FAM53B: variants seen among roughly 807,000 people sequenced by gnomAD.
FAM53B encodes the protein family with sequence similarity 53 member B.
Under a neutral mutation model 32.7 loss-of-function variants are expected in FAM53B, and 12 were observed. The ratio of observed to expected loss-of-function variants is 0.37; its 90% CI spans 0.24 to 0.59. FAM53B has a LOEUF of 0.59. Ranked by LOEUF, FAM53B falls within the 20% of genes least tolerant of loss-of-function variation. The pLI is 0.72. For synonymous variants in FAM53B, 234 were observed against 228.7 expected (o/e 1.02, Z -0.21); for missense variants, 477 against 577.7 (o/e 0.83, Z 1.79).
At chr10:124,720,236 A>G (rs1950061252) in intron 1 of FAM53B, among the ~76,000 whole-genome samples, 1 of 151,988 alleles carries the variant, frequency 6.6e-6, no homozygotes, top group African/African-American at 2.4e-5. Flanking sequence ...GGGAGGTGGC[A>G]TAGATATGTT....
rs529106337 is a variant in FAM53B at position 124,680,266 on chromosome 10, G to A, written c.906+1341C>T. Among the ~76,000 whole-genome samples, 5 of 152,260 alleles carry A rather than the reference G, an allele frequency of 3.3e-5. No homozygotes were observed. The East Asian group carries it at 7.7e-4, about 24-fold the overall frequency. ...CACCCCTTCAGGCTCTCCCCCAAGC[G>A]GATCCCACTGACACAGGGGAGGCAC... On this transcript the variant is annotated intron_variant, in intron 4 of 4. Transcript: ENST00000337318.
chr10:124,700,919 G>A (rs775214872), intron 2 of FAM53B, among the ~76,000 whole-genome samples: 3 of 152,220 alleles, frequency 2.0e-5, no homozygotes, highest in Admixed American at 6.5e-5. Context: ...CCGCGAGACC[G>A]TGGCAGTCGA....
At chr10:124,691,894 G>A (rs554272621) in intron 3 of FAM53B, among the ~76,000 whole-genome samples, 152 of 152,316 alleles carry the variant, frequency 1.0e-3, no homozygotes, top group Admixed American at 2.2e-3. Flanking sequence ...GCCCCTCTTT[G>A]TACCCACTAG....
intron 4 of FAM53B, among the ~76,000 whole-genome samples, chr10:124,639,681 C>A (rs541103818): frequency 8.9e-4 from 136 of 152,312 alleles, no homozygotes; most frequent in South Asian, 2.9e-3. Context: ...CTTTTCCCCC[C>A]CTTTCTATAT....
At chr10:124,742,340 T>A (rs1285823308) in intron 1 of FAM53B, 1 of 152,082 alleles carries the variant, frequency 6.6e-6, no homozygotes, top group African/African-American at 2.4e-5. Flanking sequence ...CAATTCAATA[T>A]CAAAACTGTA....
intron 4 of FAM53B, among the ~76,000 whole-genome samples, chr10:124,663,801 A>G (rs1326069829): frequency 6.6e-6 from 1 of 151,948 alleles, no homozygotes; most frequent in Admixed American, 6.5e-5. Flanking sequence ...GCCTACCAGC[A>G]GCCTATATTC....
intron 4 of FAM53B, among the ~76,000 whole-genome samples, chr10:124,659,190 T>C (rs565910683): frequency 2.0e-5 from 3 of 152,308 alleles, no homozygotes; most frequent in African/African-American, 7.2e-5. Context: ...GAAGCTAAAC[T>C]ACCCTTTGGA....
chr10:124,709,635 C>G (rs191407211), intron 1 of FAM53B, among the ~76,000 whole-genome samples: 107 of 152,260 alleles, frequency 7.0e-4, no homozygotes, highest in Middle Eastern at 3.4e-3. Flanking sequence ...TGGGGACAAC[C>G]TAGCTGCCTA....
intron 4 of FAM53B, among the ~76,000 whole-genome samples, chr10:124,680,028 A>G (rs148059590): frequency 2.6e-5 from 4 of 152,352 alleles, no homozygotes; most frequent in Non-Finnish European, 4.4e-5. Flanking sequence ...TTTCCTCAGA[A>G]GTCACCCAAA....
intron 1 of FAM53B, among the ~76,000 whole-genome samples, chr10:124,731,158 A>G (rs867767163): frequency 3.9e-5 from 6 of 152,364 alleles, no homozygotes; most frequent in Middle Eastern, 3.4e-3. Flanking sequence ...GAATAATAAC[A>G]GCACTCACTT....
chr10:124,710,631 T>C (rs1248289626), intron 1 of FAM53B, among the ~76,000 whole-genome samples: 2 of 152,148 alleles, frequency 1.3e-5, no homozygotes, highest in African/African-American at 2.4e-5. Flanking sequence ...GGGCGCGAGG[T>C]GGAAGCCTCG....
intron 1 of FAM53B, among the ~76,000 whole-genome samples, chr10:124,735,277 T>C (rs1564891393): frequency 1.3e-5 from 2 of 152,296 alleles, no homozygotes; most frequent in East Asian, 3.9e-4. Flanking sequence ...GAAGTGTCGG[T>C]GGCAGCAGAG....
At position 124,622,525 on chromosome 10, in the gene FAM53B, T is replaced by A. The variant is rs1246416909; in HGVS notation, c.*717A>T. On this transcript the variant is annotated 3_prime_UTR_variant, in exon 5 of 5. Coordinates refer to ENST00000337318, the MANE Select transcript of FAM53B (RefSeq NM_014661.4). ...CAAGTCCGTCTTTTCAGCCAACAGA[T>A]CCACCAAATTTCTACCCAACACGGG... The A allele has an allele frequency of 1.3e-5, 2 of 152,214 alleles. No homozygotes were observed. Among genetic ancestry groups the A allele is most frequent in the Non-Finnish European group, 2.9e-5 (2 of 68,052 alleles). The allele number at this position is 152,214 out of a possible 1,614,324, so 9.4% of individuals were successfully genotyped here.
At position 124,728,701 on chromosome 10, in the gene FAM53B, C is replaced by T. The variant is rs142535969; in HGVS notation, c.-175+15312G>A. On this transcript the variant is annotated intron_variant, in intron 1 of 4. Transcript: ENST00000337318. ...TTATTTCAAAATAGCCCAGGACAAA[C>T]GAAGACTTCTTGTACCATAACAACA... 7.2e-5 allele frequency among the ~76,000 whole-genome samples: 11 copies of T among 152,286 alleles called. No individual in the cohort carries two copies. The East Asian group carries it at 1.4e-3, about 19-fold the overall frequency.
At chr10:124,714,882 C>G (rs1181229370) in intron 1 of FAM53B, among the ~76,000 whole-genome samples, 1 of 152,160 alleles carries the variant, frequency 6.6e-6, no homozygotes, top group Non-Finnish European at 1.5e-5. Flanking sequence ...AGCAACAGTG[C>G]CAGGCCCTGT....
Position 124,623,430 on chromosome 10 carries a change from G to A in FAM53B, c.1081C>T (p.Pro361Ser). The A allele has an allele frequency of 1.9e-6, 3 of 1,604,248 alleles. No individual in the cohort carries two copies. Among genetic ancestry groups the A allele is most frequent in the South Asian group, 1.1e-5 (1 of 90,292 alleles). Residue 361 changes from proline to serine, a missense_variant, in exon 5 of 5, where the codon CCT (proline) becomes TCT (serine). Around this residue, in one of 2 missense-constraint regions of FAM53B, gnomAD observed 165 missense variants for 157.5 expected, o/e 1.05. Transcript: ENST00000337318. ...AGTPVPEPLP[P>S]SFDDHLACQE... ...CAGGCGAGGTGGTCGTCGAAGGAAGGGGGAAGAGGCTCAGGGACCGGGGTC... is the reference window on the plus strand; with the variant it reads ...CAGGCGAGGTGGTCGTCGAAGGAAGAGGGAAGAGGCTCAGGGACCGGGGTC...
intron 4 of FAM53B, among the ~76,000 whole-genome samples, chr10:124,666,634 C>T (rs1174059253): frequency 1.3e-5 from 2 of 152,224 alleles, no homozygotes; most frequent in Admixed American, 1.3e-4. Flanking sequence ...CCCCGTCTCC[C>T]ACCACCTCCC....
At chr10:124,643,762 C>G (rs1282453544) in intron 4 of FAM53B, among the ~76,000 whole-genome samples, 1 of 152,204 alleles carries the variant, frequency 6.6e-6, no homozygotes, top group African/African-American at 2.4e-5. Flanking sequence ...CCCCCAGGAG[C>G]AGTGAGGATG....
intron 4 of FAM53B, among the ~76,000 whole-genome samples, chr10:124,625,075 C>G (rs1949337838): frequency 6.6e-6 from 1 of 152,206 alleles, no homozygotes; most frequent in East Asian, 1.9e-4. Flanking sequence ...AGACCTGTCC[C>G]GAGGGCCTGA....
Sources: gnomAD v4.1 joint callset for allele counts (sites outside exome capture counted in the v4.1 genomes callset) on GRCh38, gnomAD v4.1.1 for gene constraint, gnomAD v4.1.1 regional missense constraint, MANE v1.5 for transcripts, NCBI Gene and HGNC (gene_info 2026-07-23, HGNC 2026-07-21) for gene names.